Variants in HCN4 observed in about 807,000 individuals in gnomAD.
HCN4 encodes the protein potassium/sodium hyperpolarization-activated cyclic nucleotide-gated channel 4.
HCN4 carries 29 observed loss-of-function variants against 76.9 expected under a neutral mutation model. The ratio of observed to expected loss-of-function variants is 0.38; its 90% CI spans 0.28 to 0.51. HCN4 has a LOEUF of 0.51. Ranked by LOEUF, HCN4 falls within the 20% of genes least tolerant of loss-of-function variation. The pLI, the probability that HCN4 is intolerant of heterozygous loss-of-function variation, is 0.90. For missense variants in HCN4, 1,416 were observed against 1,715.2 expected (o/e 0.83, Z 3.08); for synonymous variants, 772 against 762.5 (o/e 1.01, Z -0.21).
chr15:73,368,252 A>T lies in HCN4; in HGVS notation c.19T>A (p.Ser7Thr), dbSNP rs2043139740. The T allele has an allele frequency of 6.7e-7, 1 of 1,498,310 alleles. No individual in the cohort carries two copies. Among genetic ancestry groups the T allele is most frequent in the African/African-American group, 1.5e-5 (1 of 68,600 alleles). 92.8% of individuals were successfully genotyped at this position (1,498,310 alleles called of 1,614,324 possible). A position where few individuals can be genotyped will look rare whatever the true frequency, so the allele number is the denominator to read the frequency against. The change falls in exon 1 of 8, where the codon TCC becomes ACC. Residue 7 changes from serine to threonine, a missense_variant. By Grantham distance (58) the Ser-to-Thr change is moderately conservative. Around this residue, in one of 6 missense-constraint regions of HCN4, gnomAD observed 355 missense variants for 347.8 expected, o/e 1.02. Transcript: ENST00000261917. This position sits in a 1 kb window ranked among gnomAD's most constrained non-coding sequence, Gnocchi z 6.9. ...AGGCTGTAGAGCCGCTTGCGCATGG[A>T]CGGCGGCAGCTTGTCCATGGCGCCA... MDKLPP[S>T]MRKRLYSLPQ...
chr15:73,361,902 G>A (rs1156688813), intron 1 of HCN4, among the ~76,000 whole-genome samples: 1 of 152,238 alleles, frequency 6.6e-6, no homozygotes, highest in African/African-American at 2.4e-5. Flanking sequence ...CCCCTGCTCA[G>A]TCACCTCTGC....
Position 73,322,344 on chromosome 15 carries a change from CTG to C in HCN4, c.*135_*136del. 1 of 795,374 alleles carries C rather than the reference CTG, an allele frequency of 1.3e-6. No individual in the cohort carries two copies. The highest frequency in any genetic ancestry group is 2.1e-6 in the Non-Finnish European group (1 of 473,728). 49.3% of individuals were successfully genotyped at this position (795,374 alleles called of 1,614,324 possible). The stretch of plus-strand genomic sequence containing the variant: ...TCTAAGAATACCTGGTTATTTTCTG[CTG>C]TCTTTTGTTTTTCTGGTGTGTGTGG... On this transcript the variant is annotated 3_prime_UTR_variant, in exon 8 of 8. Transcript: ENST00000261917.
chr15:73,337,431 A>G (rs1344265788), intron 2 of HCN4, among the ~76,000 whole-genome samples: 1 of 152,224 alleles, frequency 6.6e-6, no homozygotes, highest in Non-Finnish European at 1.5e-5. Flanking sequence ...GCCTCCGGGC[A>G]TGGCTAGAAA....
chr15:73,334,983 G>A (rs2042954438), intron 2 of HCN4, among the ~76,000 whole-genome samples: 1 of 151,998 alleles, frequency 6.6e-6, no homozygotes, highest in South Asian at 2.1e-4. Context: ...CTTATAAAAA[G>A]AGACCAGACA....
intron 1 of HCN4, among the ~76,000 whole-genome samples, chr15:73,351,270 G>A (rs568563185): frequency 9.2e-5 from 14 of 151,822 alleles, no homozygotes; most frequent in African/African-American, 2.7e-4. Context: ...ATCTCTTCCC[G>A]CTCTGTGCAC....
At position 73,325,555 on chromosome 15, in the gene HCN4, G is replaced by A. The variant is rs1447493381; in HGVS notation, c.1591-111C>T. 3.2e-5 allele frequency: 35 copies of A among 1,100,038 alleles called. No individual in the cohort carries two copies. Among genetic ancestry groups the A allele is most frequent in the Non-Finnish European group, 2.9e-5 (21 of 717,350 alleles). The allele number at this position is 1,100,038 out of a possible 1,614,324, so 68.1% of individuals were successfully genotyped here. A position where few individuals can be genotyped will look rare whatever the true frequency, so the allele number is the denominator to read the frequency against. On this transcript the variant is annotated intron_variant, in intron 4 of 7. Coordinates refer to ENST00000261917, the MANE Select transcript of HCN4 (RefSeq NM_005477.3). The surrounding 1 kb of genome is among the most constrained non-coding windows in gnomAD (Gnocchi z 7.4). ...GGGCACCCACCCCGGGGGATTTCCT[G>A]GCTAAACTTGGTTCCTTGAGATCTG...
At chr15:73,346,793 G>C (rs752611126) in intron 1 of HCN4, among the ~76,000 whole-genome samples, 1 of 152,198 alleles carries the variant, frequency 6.6e-6, no homozygotes, top group Non-Finnish European at 1.5e-5. Flanking sequence ...GAGGTGAGAG[G>C]AGTTGGGTTT....
chr15:73,355,972 C>G (rs144945635), intron 1 of HCN4, among the ~76,000 whole-genome samples: 7 of 152,242 alleles, frequency 4.6e-5, no homozygotes, highest in African/African-American at 1.7e-4. Context: ...GGCTCCAACA[C>G]CACTCCCCCA....
chr15:73,344,326 G>A (rs2043020921), intron 1 of HCN4, among the ~76,000 whole-genome samples: 1 of 152,134 alleles, frequency 6.6e-6, no homozygotes. Flanking sequence ...CCAGGCTCCG[G>A]CCCCAGCTTT....
intron 1 of HCN4, among the ~76,000 whole-genome samples, chr15:73,361,820 G>A (rs2151226524): frequency 6.6e-6 from 1 of 152,336 alleles, no homozygotes; most frequent in African/African-American, 2.4e-5. Context: ...AGGGAAGAAG[G>A]ATATAAGATT....
At chr15:73,336,373 T>C (rs2623997) in intron 2 of HCN4, among the ~76,000 whole-genome samples, 69,870 of 151,968 alleles carry the variant, frequency 0.46, 16,313 homozygotes, top group East Asian at 0.53. Context: ...CACAAGGGGC[T>C]GTGGAGACCG....
intron 2 of HCN4, among the ~76,000 whole-genome samples, chr15:73,337,408 G>A (rs141523466): frequency 6.6e-6 from 1 of 152,308 alleles, no homozygotes; most frequent in Non-Finnish European, 1.5e-5. Flanking sequence ...GTACCATATG[G>A]GAGCTCAAGG....
At chr15:73,335,679 TG>T (rs2042960571) in intron 2 of HCN4, 1 of 152,326 alleles carries the variant, frequency 6.6e-6, no homozygotes, top group African/African-American at 2.4e-5. Context: ...AGAGGCAGAA[TG>T]GTCCCCTCAG....
intron 6 of HCN4, among the ~76,000 whole-genome samples, chr15:73,324,736 C>T (rs534329199): frequency 6.6e-6 from 1 of 152,306 alleles, no homozygotes; most frequent in South Asian, 2.1e-4. Context: ...GCCTCCAGAA[C>T]CATGACACAT....
rs519970 is a variant in HCN4 at position 73,328,119 on chromosome 15, C to T, written c.1590+1454G>A. On this transcript the variant is annotated intron_variant, in intron 4 of 7. Coordinates refer to ENST00000261917, the MANE Select transcript of HCN4 (RefSeq NM_005477.3). This position sits in a 1 kb window ranked among gnomAD's most constrained non-coding sequence, Gnocchi z 4.0. ...GGTTAATTACATCACCACAGAGTGC[C>T]GAGTGTGGTGAAGGAGGAGAGGGTG... is the stretch of plus-strand genomic sequence containing the variant. Among the ~76,000 whole-genome samples the T allele has an allele frequency of 0.49, 73,674 of 151,672 alleles. 18,203 individuals are homozygous for T. The highest frequency in any genetic ancestry group is 0.55 in the East Asian group (2,778 of 5,078).
intron 1 of HCN4, among the ~76,000 whole-genome samples, chr15:73,347,502 G>C (rs2043034777): frequency 6.6e-6 from 1 of 152,208 alleles, no homozygotes; most frequent in South Asian, 2.1e-4. Context: ...GTCTGAGGTA[G>C]AGGAAGTAGC....
At position 73,325,200 on chromosome 15, in the gene HCN4, C is replaced by T; in HGVS notation, c.1738-5G>A. The T allele has an allele frequency of 5.0e-6, 8 of 1,614,024 alleles. No homozygotes were observed. Among genetic ancestry groups the T allele is most frequent in the Non-Finnish European group, 6.8e-6 (8 of 1,179,932 alleles). On this transcript the variant is annotated splice_polypyrimidine_tract_variant and splice_region_variant and intron_variant, in intron 5 of 7. Coordinates refer to ENST00000261917, the MANE Select transcript of HCN4 (RefSeq NM_005477.3). The surrounding 1 kb of genome is among the most constrained non-coding windows in gnomAD (Gnocchi z 7.4). ...ACAGTTAAAGTTGATGATCTCCTGC[C>T]GGACAGGGTGGATTGGGACACGGGA...
At chr15:73,354,400 G>A (rs190544053) in intron 1 of HCN4, among the ~76,000 whole-genome samples, 8 of 152,266 alleles carry the variant, frequency 5.3e-5, no homozygotes, top group East Asian at 1.9e-4. Context: ...CATACAGCAC[G>A]GCGCCCCTCA....
At position 73,367,362 on chromosome 15, in the gene HCN4, C is replaced by T. The variant is rs2043133032; in HGVS notation, c.785+124G>A. 1.4e-6 allele frequency: 2 copies of T among 1,455,728 alleles called. No individual in the cohort carries two copies. Among genetic ancestry groups the T allele is most frequent in the African/African-American group, 1.4e-5 (1 of 71,766 alleles). The allele number at this position is 1,455,728 out of a possible 1,614,324, so 90.2% of individuals were successfully genotyped here. On this transcript the variant is annotated intron_variant, in intron 1 of 7. Transcript: ENST00000261917. The surrounding 1 kb of genome is among the most constrained non-coding windows in gnomAD (Gnocchi z 7.5). Reference sequence around the variant, plus strand: ...GGGGTGTCTCGGAGCCTAGAGGCGCCCTGCCTCTCTTGGAGCTCCCAGCGC... The same window carrying T: ...GGGGTGTCTCGGAGCCTAGAGGCGCTCTGCCTCTCTTGGAGCTCCCAGCGC...
Sources: gnomAD v4.1 joint callset for allele counts (sites outside exome capture counted in the v4.1 genomes callset) on GRCh38, gnomAD v4.1.1 for gene constraint, gnomAD v4.1.1 regional missense constraint, Gnocchi (gnomAD v3.1) non-coding constraint, MANE v1.5 for transcripts, NCBI Gene and HGNC (gene_info 2026-07-23, HGNC 2026-07-21) for gene names.